ABAT: variants seen among roughly 807,000 people sequenced by gnomAD.
The protein encoded by ABAT is 4-aminobutyrate aminotransferase, also known as 4-aminobutyrate aminotransferase, mitochondrial.
ABAT carries 45 observed loss-of-function variants against 64.6 expected under a neutral mutation model. That is an observed-to-expected ratio of 0.70 (90% CI 0.55 to 0.89). The LOEUF (loss-of-function observed/expected upper bound fraction) is 0.89, where lower values mean the gene tolerates loss of function less well. ABAT is among the 40% of genes least tolerant of loss of function. The pLI, the probability that ABAT is intolerant of heterozygous loss-of-function variation, is 0.00. For missense variants in ABAT, 633 were observed against 658.4 expected, an observed-to-expected ratio of 0.96 and a Z score of 0.42; for synonymous variants, 297 against 250.5, an observed-to-expected ratio of 1.19 and a Z score of -1.75.
chr16:8,713,633 T>C (rs1216986760), intron 1 of ABAT: 1 of 317,940 alleles, frequency 3.1e-6, no homozygotes, highest in Non-Finnish European at 6.4e-6. Context: ...GTGCATCCTT[T>C]TCCCAAACCT....
chr16:8,778,800 A>G (rs1341327272), intron 14 of ABAT, among the ~76,000 whole-genome samples: 1 of 152,042 alleles, frequency 6.6e-6, no homozygotes, highest in Non-Finnish European at 1.5e-5. Flanking sequence ...AAAAAACAAA[A>G]AACAGTCATT....
At chr16:8,753,343 C>T (rs529129901) in intron 5 of ABAT, among the ~76,000 whole-genome samples, 1 of 152,318 alleles carries the variant, frequency 6.6e-6, no homozygotes, top group African/African-American at 2.4e-5. Context: ...GATCCACCCA[C>T]CTTGGCCTCC....
intron 6 of ABAT, among the ~76,000 whole-genome samples, chr16:8,760,705 C>T (rs2059770787): frequency 6.6e-6 from 1 of 152,194 alleles, no homozygotes; most frequent in Non-Finnish European, 1.5e-5. Flanking sequence ...AATGTGTCAA[C>T]AAACACATCA....
chr16:8,711,865 G>A (rs972246855), intron 1 of ABAT, among the ~76,000 whole-genome samples: 1 of 151,920 alleles, frequency 6.6e-6, no homozygotes, highest in African/African-American at 2.4e-5. Flanking sequence ...GATGGAGGGA[G>A]AGAAGGATAG....
intron 1 of ABAT, among the ~76,000 whole-genome samples, chr16:8,677,951 T>C (rs949265739): frequency 4.0e-5 from 6 of 151,762 alleles, no homozygotes; most frequent in Non-Finnish European, 5.9e-5. Flanking sequence ...CCTAGCAACC[T>C]GGGAGGCTGA....
intron 1 of ABAT, among the ~76,000 whole-genome samples, chr16:8,711,558 G>C (rs148845603): frequency 4.6e-5 from 7 of 152,342 alleles, no homozygotes; most frequent in African/African-American, 1.7e-4. Context: ...GATGATGACT[G>C]TGAGAACGTA....
intron 1 of ABAT, among the ~76,000 whole-genome samples, chr16:8,726,350 TC>T (rs1256910190): frequency 6.9e-6 from 1 of 145,772 alleles, no homozygotes; most frequent in South Asian, 2.2e-4. Flanking sequence ...AACCTCTGCC[TC>T]CCGGGTTCAA....
At chr16:8,752,478 G>A (rs147807104) in intron 5 of ABAT, among the ~76,000 whole-genome samples, 2 of 152,204 alleles carry the variant, frequency 1.3e-5, no homozygotes, top group Non-Finnish European at 2.9e-5. Context: ...TAGAAGTTTG[G>A]TCGGGCACGG....
chr16:8,716,383 G>C (rs1340933082), intron 1 of ABAT, among the ~76,000 whole-genome samples: 12 of 152,094 alleles, frequency 7.9e-5, no homozygotes, highest in Admixed American at 7.9e-4. Flanking sequence ...AACAGGGTTT[G>C]GCCTAAAGTA....
In ABAT at chr16:8,768,751, T is replaced by C. The variant is rs887875247; in HGVS notation, c.668-74T>C. ...TGACAGCCTTGCGCTGAAATGTCTA[T>C]CATCTCCTTTACAAAGACGGTACTG... is the stretch of plus-strand genomic sequence containing the variant. On this transcript the variant is annotated intron_variant, in intron 10 of 15. Coordinates refer to ENST00000268251, the MANE Select transcript of ABAT (RefSeq NM_020686.6). The C allele has an allele frequency of 2.3e-5, 37 of 1,603,730 alleles. No homozygotes were observed. In the South Asian group the frequency reaches 3.0e-4, roughly 13 times the overall value.
At chr16:8,722,852 A>G in intron 1 of ABAT, 1 of 1,289,162 alleles carries the variant, frequency 7.8e-7, no homozygotes, top group Non-Finnish European at 1.0e-6. Context: ...GGTAGGAGCA[A>G]GGCTTGGGGA....
At chr16:8,759,123 T>A (rs980481616) in intron 6 of ABAT, among the ~76,000 whole-genome samples, 3 of 151,708 alleles carry the variant, frequency 2.0e-5, no homozygotes, top group African/African-American at 7.3e-5. Flanking sequence ...ATAATAATAA[T>A]AATAAATAAA....
Position 8,781,466 on chromosome 16 carries a change from C to G in ABAT, c.*36C>G. On this transcript the variant is annotated 3_prime_UTR_variant, in exon 16 of 16. Transcript: ENST00000268251. This position sits in a 1 kb window ranked among gnomAD's most constrained non-coding sequence, Gnocchi z 4.5. ...TCCACTACAGTGAGAAAGCCCGGAT[C>G]CCAACAGTTGTCAAATTGATTAGTT... The G allele has an allele frequency of 6.2e-7, 1 of 1,613,402 alleles. No homozygotes were observed. The highest frequency in any genetic ancestry group is 8.5e-7 in the Non-Finnish European group (1 of 1,179,492).
At chr16:8,694,739 C>G (rs1273368) in intron 1 of ABAT, among the ~76,000 whole-genome samples, 152,307 of 152,310 alleles carry the variant, frequency 1, 76,152 homozygotes, top group Non-Finnish European at 1. Flanking sequence ...CTGAAAAAAG[C>G]GGCTCAAATT....
chr16:8,754,558 T>G (rs2059588396), intron 5 of ABAT, among the ~76,000 whole-genome samples: 1 of 152,188 alleles, frequency 6.6e-6, no homozygotes, highest in African/African-American at 2.4e-5. Context: ...ATCAGCAAGC[T>G]CGTTTTGCAC....
At chr16:8,748,478 A>G (rs547884853) in intron 4 of ABAT, among the ~76,000 whole-genome samples, 1 of 152,062 alleles carries the variant, frequency 6.6e-6, no homozygotes. Flanking sequence ...AGAATATTCC[A>G]TATGTACTTG....
intron 2 of ABAT, among the ~76,000 whole-genome samples, chr16:8,739,995 G>A (rs533313079): frequency 1.5e-4 from 22 of 151,394 alleles, no homozygotes; most frequent in African/African-American, 4.9e-4. Flanking sequence ...GTGTACTCTC[G>A]TACACTGCTA....
intron 1 of ABAT, among the ~76,000 whole-genome samples, chr16:8,678,946 G>C (rs140486028): frequency 7.1e-4 from 108 of 152,284 alleles, no homozygotes; most frequent in African/African-American, 2.5e-3. Flanking sequence ...AAAGGACCTA[G>C]ATAGTATGTA....
intron 1 of ABAT, among the ~76,000 whole-genome samples, chr16:8,691,153 C>T (rs1466731871): frequency 6.6e-6 from 1 of 152,150 alleles, no homozygotes; most frequent in Non-Finnish European, 1.5e-5. Context: ...ACAGCCACAC[C>T]TCCTCTGTTT....
Sources: allele counts gnomAD v4.1 joint callset (sites outside exome capture counted in the v4.1 genomes callset), GRCh38; gene constraint gnomAD v4.1.1; non-coding constraint Gnocchi (gnomAD v3.1); transcripts MANE v1.5; gene names NCBI Gene and HGNC (gene_info 2026-07-23, HGNC 2026-07-21).